The following RHBDD1 variants were observed in gnomAD, a reference collection of about 807,000 sequenced individuals.
The protein encoded by RHBDD1 is rhomboid-related protein 4.
In RHBDD1, 38 loss-of-function variants were observed where a neutral mutation model predicts 36.3. That is an observed-to-expected ratio of 1.05 (90% CI 0.81 to 1.37). The LOEUF (loss-of-function observed/expected upper bound fraction) is 1.37. Among genes scored for constraint, RHBDD1 ranks in the 40% most tolerant of loss-of-function variants. The pLI, the probability that RHBDD1 is intolerant of heterozygous loss-of-function variation, is 0.00. For synonymous variants in RHBDD1, 151 were observed against 136.5 expected, an observed-to-expected ratio of 1.11 and a Z score of -0.74; for missense variants, 393 against 377.6, an observed-to-expected ratio of 1.04 and a Z score of -0.34.
At chr2:226,834,983 C>G (rs376379698), upstream of RHBDD1, among the ~76,000 whole-genome samples, 1 of 152,176 alleles carries the variant, frequency 6.6e-6, no homozygotes, top group Non-Finnish European at 1.5e-5. Flanking sequence ...GCCATGTTGG[C>G]CAGGCTGGTT....
chr2:226,954,851 A>AG (rs1951682066), intron 8 of RHBDD1, among the ~76,000 whole-genome samples: 1 of 151,898 alleles, frequency 6.6e-6, no homozygotes, highest in Non-Finnish European at 1.5e-5. Flanking sequence ...GAAGGAGTGA[A>AG]GGGGGGCAGT....
chr2:226,809,747 T>C, the RHBDD1 span, among the ~76,000 whole-genome samples: 1 of 152,242 alleles, frequency 6.6e-6, no homozygotes, highest in Admixed American at 6.5e-5. Context: ...AATCTACTTC[T>C]AGATTTATTA....
At chr2:226,803,981 G>C in the RHBDD1 span, 1 of 152,152 alleles carries the variant, frequency 6.6e-6, no homozygotes, top group African/African-American at 2.4e-5. Flanking sequence ...TGGGTAAGTA[G>C]CATAGTTCTA....
At chr2:226,978,263 C>CT (rs1008771833) in intron 8 of RHBDD1, among the ~76,000 whole-genome samples, 47 of 152,258 alleles carry the variant, frequency 3.1e-4, no homozygotes, top group African/African-American at 1.0e-3. Context: ...AATTTGTACT[C>CT]TTTTTTCTCC....
At chr2:226,922,529 A>G (rs1403799254) in intron 8 of RHBDD1, among the ~76,000 whole-genome samples, 4 of 151,988 alleles carry the variant, frequency 2.6e-5, no homozygotes, top group South Asian at 2.1e-4. Flanking sequence ...TTCATTCTCT[A>G]TAGGTGAAAT....
At chr2:226,924,380 C>T (rs535916833) in intron 8 of RHBDD1, among the ~76,000 whole-genome samples, 114 of 152,280 alleles carry the variant, frequency 7.5e-4, no homozygotes, top group African/African-American at 2.6e-3. Context: ...GAGCTGGTAT[C>T]CAAGTCGCAA....
intron 8 of RHBDD1, chr2:226,988,551 T>C: frequency 2.1e-6 from 3 of 1,418,816 alleles, no homozygotes; most frequent in Non-Finnish European, 2.8e-6. Context: ...TGGCCCTCTC[T>C]GCGGACTGGT....
At chr2:226,896,644 T>C (rs144569625) in intron 5 of RHBDD1, among the ~76,000 whole-genome samples, 1 of 152,252 alleles carries the variant, frequency 6.6e-6, no homozygotes, top group Non-Finnish European at 1.5e-5. Flanking sequence ...CTAAAAATGC[T>C]CCTGTTTGGA....
chr2:226,986,170 T>C (rs1157068133), intron 8 of RHBDD1, among the ~76,000 whole-genome samples: 2 of 152,296 alleles, frequency 1.3e-5, no homozygotes, highest in East Asian at 3.9e-4. Flanking sequence ...CACTCAAGAC[T>C]GTCAAGGTCA....
intron 5 of RHBDD1, among the ~76,000 whole-genome samples, chr2:226,883,455 G>A (rs1945945812): frequency 6.6e-6 from 1 of 152,228 alleles, no homozygotes; most frequent in African/African-American, 2.4e-5. Flanking sequence ...TTTAGGGTCT[G>A]TTTTACCCAA....
intron 5 of RHBDD1, among the ~76,000 whole-genome samples, chr2:226,889,253 G>T (rs899038118): frequency 6.6e-6 from 1 of 152,182 alleles, no homozygotes; most frequent in African/African-American, 2.4e-5. Flanking sequence ...TTCGGCTAGA[G>T]GTGGACTGCC....
intron 8 of RHBDD1, among the ~76,000 whole-genome samples, chr2:226,931,268 A>C (rs1453203200): frequency 6.6e-6 from 1 of 152,052 alleles, no homozygotes; most frequent in Non-Finnish European, 1.5e-5. Context: ...TGAGTAAAGA[A>C]AATGTGATAT....
At chr2:226,956,240 G>T (rs1007930111) in intron 8 of RHBDD1, among the ~76,000 whole-genome samples, 2 of 152,036 alleles carry the variant, frequency 1.3e-5, no homozygotes, top group Non-Finnish European at 2.9e-5. Context: ...CCACTAAGCC[G>T]TGCCCGCCTC....
At chr2:226,837,694 G>C (rs1247227714) in intron 1 of RHBDD1, 1 of 152,086 alleles carries the variant, frequency 6.6e-6, no homozygotes, top group Non-Finnish European at 1.5e-5. Context: ...CTGCCACCAC[G>C]CCCAGCTAAT....
chr2:226,901,325 A>G lies in RHBDD1; in HGVS notation c.567-5468A>G, dbSNP rs142859177. ...TGTTTTCTTATCTTGGCTATTGTGA[A>G]TAATGATGTAATGAATATGGGAGTG... On this transcript the variant is annotated intron_variant, in intron 5 of 8. Transcript: ENST00000392062. 8.1e-3 allele frequency among the ~76,000 whole-genome samples: 1,229 copies of G among 152,324 alleles called. 15 individuals are homozygous for G. The highest frequency in any genetic ancestry group is 0.043 in the South Asian group (207 of 4,830).
intron 3 of RHBDD1, among the ~76,000 whole-genome samples, chr2:226,853,892 A>C (rs1021447050): frequency 6.6e-6 from 1 of 152,132 alleles, no homozygotes; most frequent in African/African-American, 2.4e-5. Flanking sequence ...AACTCTACGG[A>C]GTGTGCTTTA....
chr2:226,972,175 G>A (rs1304690025), intron 8 of RHBDD1, among the ~76,000 whole-genome samples: 3 of 152,084 alleles, frequency 2.0e-5, no homozygotes, highest in East Asian at 1.9e-4. Context: ...GAGAACATGC[G>A]GTGTTTGGTT....
At position 226,869,355 on chromosome 2, in the gene RHBDD1, G is replaced by A. The variant is rs542730759; in HGVS notation, c.566+2037G>A. The A allele has an allele frequency of 4.5e-5, 9 of 199,584 alleles. No homozygotes were observed. The East Asian group carries it at 7.4e-4, about 16-fold the overall frequency. 12.4% of individuals were successfully genotyped at this position (199,584 alleles called of 1,614,324 possible). On this transcript the variant is annotated intron_variant, in intron 5 of 8. Coordinates refer to ENST00000392062, the MANE Select transcript of RHBDD1 (RefSeq NM_001167608.3). ...ACACATGTATCCAAATAAAGACTAC[G>A]CTAAACACTGGCCCAGGAAACCTAA...
At chr2:226,895,344 A>G (rs968498356) in intron 5 of RHBDD1, among the ~76,000 whole-genome samples, 4 of 152,114 alleles carry the variant, frequency 2.6e-5, no homozygotes, top group Non-Finnish European at 5.9e-5. Context: ...CTGCAGTCTC[A>G]CCCCAGTAGC....
Sources: allele counts gnomAD v4.1 joint callset (sites outside exome capture counted in the v4.1 genomes callset), GRCh38; gene constraint gnomAD v4.1.1; transcripts MANE v1.5; gene names NCBI Gene and HGNC (gene_info 2026-07-23, HGNC 2026-07-21).